The following KANSL1 variants were observed in gnomAD, a reference collection of about 807,000 sequenced individuals.
KANSL1 encodes the protein KAT8 regulatory NSL complex subunit 1, also known as MLL1/MLL complex subunit KANSL1.
A neutral mutation model predicts 103.6 loss-of-function variants in KANSL1; 22 were observed. The ratio of observed to expected loss-of-function variants is 0.21; its 90% CI spans 0.15 to 0.30. The LOEUF is 0.30. Among genes scored for constraint, KANSL1 ranks in the 10% least tolerant of loss-of-function variants. The probability of loss-of-function intolerance (pLI) is 1.00; values close to 1 mark genes in which losing one functional copy is unlikely to be tolerated. For synonymous variants in KANSL1, 600 were observed against 527.6 expected (o/e 1.14, Z -1.88); for missense variants, 1,337 against 1,399.8 (o/e 0.96, Z 0.72).
intron 2 of KANSL1, among the ~76,000 whole-genome samples, chr17:46,163,355 T>G (rs1234037213): frequency 6.6e-6 from 1 of 152,226 alleles, no homozygotes; most frequent in East Asian, 1.9e-4. Flanking sequence ...TGGAAGCTTA[T>G]TTCCTCACTG....
chr17:46,153,993 A>G (rs919127925), intron 2 of KANSL1, among the ~76,000 whole-genome samples: 6 of 152,238 alleles, frequency 3.9e-5, no homozygotes, highest in Non-Finnish European at 7.3e-5. Flanking sequence ...TCTTCACTCA[A>G]CTATACCCCC....
chr17:46,107,550 C>A (rs971181444), intron 2 of KANSL1, among the ~76,000 whole-genome samples: 1 of 152,224 alleles, frequency 6.6e-6, no homozygotes, highest in African/African-American at 2.4e-5. Context: ...CCTTGTAAGA[C>A]TGCATATGCG....
At chr17:46,161,588 A>G (rs1402605401) in intron 2 of KANSL1, among the ~76,000 whole-genome samples, 1 of 152,244 alleles carries the variant, frequency 6.6e-6, no homozygotes, top group Non-Finnish European at 1.5e-5. Flanking sequence ...TACCTGAGAA[A>G]CAAACCGGAA....
At chr17:46,216,410 G>A (rs919436870) in intron 1 of KANSL1, among the ~76,000 whole-genome samples, 2 of 152,054 alleles carry the variant, frequency 1.3e-5, no homozygotes, top group African/African-American at 4.8e-5. Flanking sequence ...GACCAGCCTG[G>A]CCAACATGGT....
chr17:46,106,593 A>T (rs2042578386), intron 2 of KANSL1, among the ~76,000 whole-genome samples: 1 of 152,060 alleles, frequency 6.6e-6, no homozygotes, highest in Non-Finnish European at 1.5e-5. Context: ...GGGTTTCACC[A>T]TGTTGGCCAG....
At chr17:46,041,948 C>T (rs1187050899) in intron 7 of KANSL1, 2 of 149,580 alleles carry the variant, frequency 1.3e-5, no homozygotes, top group Non-Finnish European at 2.9e-5. Context: ...CTTGCTGTCG[C>T]CCAGGCTGGA....
rs1356980565 is a variant in KANSL1 at position 46,038,443 on chromosome 17, G to A, written c.2541+95C>T. The A allele has an allele frequency of 5.2e-6, 7 of 1,344,084 alleles. No homozygotes were observed. The Admixed American group carries it at 1.4e-4, about 27-fold the overall frequency. 83.3% of individuals were successfully genotyped at this position (1,344,084 alleles called of 1,614,324 possible). A position where few individuals can be genotyped will look rare whatever the true frequency, so the allele number is the denominator to read the frequency against. On this transcript the variant is annotated intron_variant, in intron 10 of 14. Coordinates refer to ENST00000432791, the MANE Select transcript of KANSL1 (RefSeq NM_015443.4). ...AGCTGAGATCCTATAAATGCCCTGG[G>A]CTTTATAACCCACCCTCACACTGTC...
In KANSL1 at chr17:46,067,683, G is replaced by A. The variant is rs1294334742; in HGVS notation, c.1534-16C>T. On this transcript the variant is annotated splice_polypyrimidine_tract_variant and intron_variant, in intron 4 of 14. Coordinates refer to ENST00000432791, the MANE Select transcript of KANSL1 (RefSeq NM_015443.4). Reference sequence around the variant, plus strand: ...CAGACTCAATCTGATTAAGAAAAAGGAAAAAAGAAATTAACATGTACCCAA... The same window carrying A: ...CAGACTCAATCTGATTAAGAAAAAGAAAAAAAGAAATTAACATGTACCCAA... The A allele has an allele frequency of 7.2e-7, 1 of 1,379,750 alleles. No individual in the cohort carries two copies. Among genetic ancestry groups the A allele is most frequent in the South Asian group, 1.2e-5 (1 of 85,514 alleles). 85.5% of individuals were successfully genotyped at this position (1,379,750 alleles called of 1,614,324 possible). A position where few individuals can be genotyped will look rare whatever the true frequency, so the allele number is the denominator to read the frequency against.
chr17:46,162,410 C>A (rs995133140), intron 2 of KANSL1, among the ~76,000 whole-genome samples: 23 of 152,158 alleles, frequency 1.5e-4, no homozygotes, highest in African/African-American at 5.6e-4. Context: ...ATCGGGGGCT[C>A]TACAAAGGAC....
intron 1 of KANSL1, among the ~76,000 whole-genome samples, chr17:46,209,607 C>G (rs1567806009): frequency 6.6e-6 from 1 of 152,194 alleles, no homozygotes; most frequent in Non-Finnish European, 1.5e-5. Flanking sequence ...CATTCTCCCA[C>G]CTCAGCCTCC....
In KANSL1 at chr17:46,031,738, T is replaced by C. The variant is rs113277369; in HGVS notation, c.3091-35A>G. 207 of 1,544,606 alleles carry C rather than the reference T, an allele frequency of 1.3e-4. No individual in the cohort carries two copies. In the African/African-American group the frequency reaches 2.4e-3, roughly 18 times the overall value. Reference sequence around the variant, plus strand: ...GACAAGTTGCTCTTTGAGGACCCAGTCCCAGCCAGCCTGCTTCCTGCTCCA... The same window carrying C: ...GACAAGTTGCTCTTTGAGGACCCAGCCCCAGCCAGCCTGCTTCCTGCTCCA... On this transcript the variant is annotated intron_variant, in intron 14 of 14. Transcript: ENST00000432791.
At chr17:46,188,239 T>G (rs1460337312) in intron 1 of KANSL1, among the ~76,000 whole-genome samples, 3 of 152,216 alleles carry the variant, frequency 2.0e-5, no homozygotes, top group African/African-American at 7.2e-5. Context: ...CAGTGGATAT[T>G]TGTCTTTTCT....
chr17:46,040,864 G>A (rs1458937274), intron 7 of KANSL1: 1 of 152,318 alleles, frequency 6.6e-6, no homozygotes, highest in East Asian at 1.9e-4. Flanking sequence ...TGACATACCG[G>A]TCTTAAATAC....
intron 2 of KANSL1, among the ~76,000 whole-genome samples, chr17:46,159,519 G>A (rs1006967962): frequency 2.6e-5 from 4 of 152,144 alleles, no homozygotes; most frequent in Non-Finnish European, 4.4e-5. Context: ...TACAGACTAA[G>A]TAGATGAAAA....
chr17:46,117,904 C>T (rs1263127826), intron 2 of KANSL1, among the ~76,000 whole-genome samples: 2 of 151,922 alleles, frequency 1.3e-5, no homozygotes, highest in Non-Finnish European at 2.9e-5. Flanking sequence ...TAAAATAATC[C>T]AAGAATGTCT....
At chr17:46,219,735 T>C (rs545570912) in intron 1 of KANSL1, among the ~76,000 whole-genome samples, 10 of 152,384 alleles carry the variant, frequency 6.6e-5, no homozygotes, top group South Asian at 2.1e-4. Flanking sequence ...TTCAAAATTC[T>C]TGAAGATCCC....
chr17:46,100,902 A>G (rs2042285251), intron 2 of KANSL1, among the ~76,000 whole-genome samples: 4 of 152,376 alleles, frequency 2.6e-5, no homozygotes, highest in Middle Eastern at 3.4e-3. Flanking sequence ...TTTCAGTCCC[A>G]TCTCGATTCT....
In KANSL1 at chr17:46,193,371, GA is replaced by G; in HGVS notation, c.-639del. 4 of 155,578 alleles carry G rather than the reference GA, an allele frequency of 2.6e-5. No homozygotes were observed. The highest frequency in any genetic ancestry group is 6.7e-5 in the Admixed American group (1 of 14,998). 9.6% of individuals were successfully genotyped at this position (155,578 alleles called of 1,614,324 possible). A position where few individuals can be genotyped will look rare whatever the true frequency, so the allele number is the denominator to read the frequency against. On this transcript the variant is annotated 5_prime_UTR_variant, in exon 1 of 15. Transcript: ENST00000432791. ...GTGGCGGCGGTGGCGGCGGCACTGG[GA>G]AAATGGCGGCCGAGCTCCTTTTCCC... is the stretch of plus-strand genomic sequence containing the variant.
upstream of KANSL1, among the ~76,000 whole-genome samples, chr17:46,195,093 T>G (rs1202576882): frequency 2.0e-5 from 3 of 152,242 alleles, no homozygotes; most frequent in Non-Finnish European, 4.4e-5. Flanking sequence ...TTTTTTATTG[T>G]ACACACATAC....
Sources: allele counts gnomAD v4.1 joint callset (sites outside exome capture counted in the v4.1 genomes callset), GRCh38; gene constraint gnomAD v4.1.1; transcripts MANE v1.5; gene names NCBI Gene and HGNC (gene_info 2026-07-23, HGNC 2026-07-21).